The following NDUFB10 variants were observed in gnomAD, a reference collection of about 807,000 sequenced individuals.
The protein encoded by NDUFB10 is NADH:ubiquinone oxidoreductase subunit B10.
A neutral mutation model predicts 19.0 loss-of-function variants in NDUFB10; 23 were observed. The observed-to-expected ratio is 1.21, with a 90% CI of 0.87 to 1.71. The LOEUF is 1.71. Among genes scored for constraint, NDUFB10 ranks in the 40% most tolerant of loss-of-function variants. The pLI, the probability that NDUFB10 is intolerant of heterozygous loss-of-function variation, is 0.00. For missense variants in NDUFB10, 312 were observed against 230.6 expected, an observed-to-expected ratio of 1.35 and a Z score of -2.29; for synonymous variants, 104 against 81.8, an observed-to-expected ratio of 1.27 and a Z score of -1.46.
chr16:1,959,752 G>C lies in NDUFB10; in HGVS notation c.128G>C (p.Arg43Thr), dbSNP rs1231625095. ...GTGGACCGACCCGTGACCCTCGTGA[G>C]AGGTACGAAGCCCCAGCCCGGGGCT... ...LIVDRPVTLV[R>T]EFIERQHAKN... is the part of the protein sequence containing the mutation. The change falls in exon 1 of 4, where the codon AGA (arginine) becomes ACA (threonine). Residue 43 changes from arginine to threonine, a missense_variant and splice_region_variant. Coordinates refer to ENST00000268668, the MANE Select transcript of NDUFB10 (RefSeq NM_004548.3). 6.2e-6 allele frequency: 10 copies of C among 1,613,112 alleles called. No individual in the cohort carries two copies. The highest frequency in any genetic ancestry group is 8.5e-6 in the Non-Finnish European group (10 of 1,179,660).
rs775539588 is a variant in NDUFB10, at chr16:1,959,593, G to C, written c.-32G>C. ...ACGGAGGTAGAGGCCAGGGCAGCGC[G>C]TCCGGGAGCGGAGTCCGCGCCCGCC... On this transcript the variant is annotated 5_prime_UTR_variant, in exon 1 of 4. Coordinates refer to ENST00000268668, the MANE Select transcript of NDUFB10 (RefSeq NM_004548.3). The C allele has an allele frequency of 4.4e-6, 7 of 1,591,290 alleles. No homozygotes were observed. The highest frequency in any genetic ancestry group is 1.3e-5 in the African/African-American group (1 of 74,508).
rs1184631403 is a variant in NDUFB10, at chr16:1,959,596, C to T, written c.-29C>T. On this transcript the variant is annotated 5_prime_UTR_variant, in exon 1 of 4. Coordinates refer to ENST00000268668, the MANE Select transcript of NDUFB10 (RefSeq NM_004548.3). The stretch of plus-strand genomic sequence containing the variant: ...GAGGTAGAGGCCAGGGCAGCGCGTC[C>T]GGGAGCGGAGTCCGCGCCCGCCGCC... 12 of 1,593,618 alleles carry T rather than the reference C, an allele frequency of 7.5e-6. No individual in the cohort carries two copies. Among genetic ancestry groups the T allele is most frequent in the African/African-American group, 1.3e-5 (1 of 74,546 alleles).
At chr16:1,959,823 A>G in intron 1 of NDUFB10, 69 bp downstream of exon 1, 1 of 1,589,538 alleles carries the variant, frequency 6.3e-7, no homozygotes, top group Non-Finnish European at 8.6e-7. Context: ...CCCTGCCTGG[A>G]TCCTCCAATG....
At position 1,959,660 on chromosome 16, in the gene NDUFB10, GC is replaced by G. The variant is rs1259733043; in HGVS notation, c.41del (p.Pro14ArgfsTer14). On this transcript the variant is annotated frameshift_variant, in exon 1 of 4. Transcript: ENST00000268668. LOFTEE classifies it high-confidence loss of function. ...DSWDKDVYPE[P>X]PRRTPVQPNP... Reference sequence around the variant, plus strand: ...GCTGGGACAAGGATGTGTACCCTGAGCCCCCGCGCCGCACGCCGGTGCAGCC... The same window carrying G: ...GCTGGGACAAGGATGTGTACCCTGAGCCCCGCGCCGCACGCCGGTGCAGCC... The G allele has an allele frequency of 6.2e-7, 1 of 1,612,810 alleles. No homozygotes were observed. Among genetic ancestry groups the G allele is most frequent in the Admixed American group, 1.7e-5 (1 of 59,974 alleles).
At chr16:1,961,766 G>C (rs202033778) in intron 3 of NDUFB10, 31 bp from the exon 4 acceptor site, 1 of 1,546,140 alleles carries the variant, frequency 6.5e-7, no homozygotes, top group Non-Finnish European at 8.8e-7. Context: ...CAGAGGCCTC[G>C]GTTCCCAGCT....
At position 1,959,774 on chromosome 16, in the gene NDUFB10, G is replaced by T; in HGVS notation, c.130+20G>T. ...TGAGAGGTACGAAGCCCCAGCCCGG[G>T]GCTCCCTCGCCGGCCTCTGGGGACC... On this transcript the variant is annotated intron_variant, in intron 1 of 3. Transcript: ENST00000268668. 6.2e-7 allele frequency: 1 copy of T among 1,612,350 alleles called. No individual in the cohort carries two copies. The highest frequency in any genetic ancestry group is 8.5e-7 in the Non-Finnish European group (1 of 1,179,392).
At chr16:1,961,059 C>T in intron 1 of NDUFB10, 94 bp from the exon 2 acceptor site, 5 of 1,454,862 alleles carry the variant, frequency 3.4e-6, no homozygotes, top group Middle Eastern at 2.5e-4. Flanking sequence ...AGGAAGTTCT[C>T]CTCTCTCCCC....
chr16:1,960,123 A>AAT (rs1567315361), intron 1 of NDUFB10, among the ~76,000 whole-genome samples: 1 of 152,018 alleles, frequency 6.6e-6, no homozygotes, highest in African/African-American at 2.4e-5. Flanking sequence ...GCCTCTCTCA[A>AAT]ATGTCTCTCT....
rs1371371465 is a variant in NDUFB10 at position 1,960,938 on chromosome 16, C to T, written c.131-215C>T. On this transcript the variant is annotated intron_variant, in intron 1 of 3. Coordinates refer to ENST00000268668, the MANE Select transcript of NDUFB10 (RefSeq NM_004548.3). ...TGCATGTGGAACTCTGAGGATGATGCCTGGTACTCGGGAGCTCTCCATCAG... is the reference window on the plus strand; with the variant it reads ...TGCATGTGGAACTCTGAGGATGATGTCTGGTACTCGGGAGCTCTCCATCAG... Among the ~76,000 whole-genome samples, 3 of 152,182 alleles carry T rather than the reference C, an allele frequency of 2.0e-5. No individual in the cohort carries two copies. The East Asian group carries it at 5.8e-4, about 29-fold the overall frequency.
At chr16:1,961,045 A>T in intron 1 of NDUFB10, 108 bp from the exon 2 acceptor site, 1 of 1,346,074 alleles carries the variant, frequency 7.4e-7, no homozygotes, top group Non-Finnish European at 1.0e-6. Context: ...ACGCTGGAAC[A>T]CTCAGGAAGT....
Position 1,959,544 on chromosome 16 carries a change from G to C in NDUFB10, c.-81G>C, listed in dbSNP as rs2083239148. 1.3e-6 allele frequency: 2 copies of C among 1,483,502 alleles called. No individual in the cohort carries two copies. The highest frequency in any genetic ancestry group is 2.6e-5 in the East Asian group (1 of 38,260). The allele number at this position is 1,483,502 out of a possible 1,614,324, so 91.9% of individuals were successfully genotyped here. A position where few individuals can be genotyped will look rare whatever the true frequency, so the allele number is the denominator to read the frequency against. On this transcript the variant is annotated 5_prime_UTR_variant, in exon 1 of 4. Coordinates refer to ENST00000268668, the MANE Select transcript of NDUFB10 (RefSeq NM_004548.3). ...GCCGCCCTCGGCGTCCTCTGTAGCGGGCGACCTAGGCCGCGGGACCCGGAC... is the reference window on the plus strand; with the variant it reads ...GCCGCCCTCGGCGTCCTCTGTAGCGCGCGACCTAGGCCGCGGGACCCGGAC...
chr16:1,959,595 C>A lies in NDUFB10; in HGVS notation c.-30C>A. ...GGAGGTAGAGGCCAGGGCAGCGCGTCCGGGAGCGGAGTCCGCGCCCGCCGC... is the reference window on the plus strand; with the variant it reads ...GGAGGTAGAGGCCAGGGCAGCGCGTACGGGAGCGGAGTCCGCGCCCGCCGC... On this transcript the variant is annotated 5_prime_UTR_variant, in exon 1 of 4. Transcript: ENST00000268668. The A allele has an allele frequency of 6.3e-7, 1 of 1,593,184 alleles. No individual in the cohort carries two copies. The highest frequency in any genetic ancestry group is 8.5e-7 in the Non-Finnish European group (1 of 1,170,176).
Position 1,961,643 on chromosome 16 carries a change from G to GGGGCCC in NDUFB10, c.409+7_409+8insGGGCCC. 51 of 1,546,218 alleles carry GGGGCCC rather than the reference G, an allele frequency of 3.3e-5. No homozygotes were observed. Among genetic ancestry groups the GGGGCCC allele is most frequent in the Non-Finnish European group, 3.9e-5 (45 of 1,140,156 alleles). On this transcript the variant is annotated splice_region_variant and intron_variant, in intron 3 of 3. Coordinates refer to ENST00000268668, the MANE Select transcript of NDUFB10 (RefSeq NM_004548.3). Reference sequence around the variant, plus strand: ...AAGGCCTACCAGGACCGCTGTGCGTGCCCCACCCACCCCCAACCCCCCACC... The same window carrying GGGGCCC: ...AAGGCCTACCAGGACCGCTGTGCGTGGGGCCCCCCCACCCACCCCCAACCCCCCACC...
rs201009092 is a variant in NDUFB10 at position 1,961,268 on chromosome 16, C to A, written c.246C>A (p.Ala82=). ...AGGACATCATGTGCATGTATGAAGC[C>A]GAAATGCAGTGGAAGAGGGACTAGT... is the stretch of plus-strand genomic sequence containing the variant. ...KEEDIMCMYE[A]EMQWKRDYKV... Residue 82 remains alanine, a synonymous_variant, in exon 2 of 4, where the codon GCC becomes GCA. Coordinates refer to ENST00000268668, the MANE Select transcript of NDUFB10 (RefSeq NM_004548.3). The A allele has an allele frequency of 1.2e-6, 2 of 1,613,962 alleles. No homozygotes were observed. Among genetic ancestry groups the A allele is most frequent in the Non-Finnish European group, 1.7e-6 (2 of 1,180,022 alleles).
chr16:1,960,388 A>G (rs1405782014), intron 1 of NDUFB10, among the ~76,000 whole-genome samples: 4 of 151,810 alleles, frequency 2.6e-5, no homozygotes, highest in African/African-American at 4.8e-5. Context: ...ACGCCCAGCT[A>G]ATTTTTATAT....
In NDUFB10 at chr16:1,959,707, T is replaced by C; in HGVS notation, c.83T>C (p.Met28Thr). The change falls in exon 1 of 4, where the codon ATG becomes ACG. Residue 28 changes from methionine to threonine, a missense_variant. By Grantham distance (81) the Met-to-Thr change is moderately conservative. Coordinates refer to ENST00000268668, the MANE Select transcript of NDUFB10 (RefSeq NM_004548.3). ...CAGCCCAATCCCATCGTCTACATGA[T>C]GAAAGCGTTCGACCTCATCGTGGAC... is the stretch of plus-strand genomic sequence containing the variant. ...PVQPNPIVYMMKAFDLIVDRP... is the reference protein window; with the variant it reads ...PVQPNPIVYMTKAFDLIVDRP... 1 of 1,613,324 alleles carries C rather than the reference T, an allele frequency of 6.2e-7. No individual in the cohort carries two copies. Among genetic ancestry groups the C allele is most frequent in the Non-Finnish European group, 8.5e-7 (1 of 1,179,696 alleles).
chr16:1,961,701 C>T (rs986870518), intron 3 of NDUFB10, 65 bp downstream of exon 3: 3 of 1,325,032 alleles, frequency 2.3e-6, no homozygotes, highest in Admixed American at 4.6e-5. Context: ...AGAACCATTG[C>T]AAATCTTCCC....
At chr16:1,960,283 G>A (rs1199984345) in intron 1 of NDUFB10, among the ~76,000 whole-genome samples, 3 of 151,512 alleles carry the variant, frequency 2.0e-5, no homozygotes, top group South Asian at 2.1e-4. Flanking sequence ...GCAGTGGCGC[G>A]ATCTCGGCTC....
In NDUFB10 at chr16:1,959,549, C is replaced by T. The variant is rs979749563; in HGVS notation, c.-76C>T. On this transcript the variant is annotated 5_prime_UTR_variant, in exon 1 of 4. Transcript: ENST00000268668. ...CCTCGGCGTCCTCTGTAGCGGGCGA[C>T]CTAGGCCGCGGGACCCGGACGGAGG... The T allele has an allele frequency of 1.3e-6, 2 of 1,505,180 alleles. No homozygotes were observed. The highest frequency in any genetic ancestry group is 1.8e-6 in the Non-Finnish European group (2 of 1,122,636). 93.2% of individuals were successfully genotyped at this position (1,505,180 alleles called of 1,614,324 possible).
Sources: gnomAD v4.1 joint callset for allele counts (sites outside exome capture counted in the v4.1 genomes callset) on GRCh38, gnomAD v4.1.1 for gene constraint, MANE v1.5 for transcripts, NCBI Gene and HGNC (gene_info 2026-07-23, HGNC 2026-07-21) for gene names.